PLA2G7: variants seen among roughly 807,000 people sequenced by gnomAD.
PLA2G7 encodes the protein platelet-activating factor acetylhydrolase.
PLA2G7 carries 63 observed loss-of-function variants against 49.6 expected under a neutral mutation model. The ratio of observed to expected loss-of-function variants is 1.27; its 90% CI spans 1.04 to 1.57. PLA2G7 has a LOEUF of 1.57. Among genes scored for constraint, PLA2G7 ranks in the 40% most tolerant of loss-of-function variants. The pLI is 0.00. For synonymous variants in PLA2G7, 193 were observed against 169.9 expected (o/e 1.14, Z -1.06); for missense variants, 596 against 521.2 (o/e 1.14, Z -1.40).
Position 46,722,771 on chromosome 6 carries a change from T to C in PLA2G7, c.109+12A>G, listed in dbSNP as rs766978265. 7.2e-6 allele frequency: 11 copies of C among 1,517,922 alleles called. No homozygotes were observed. Among genetic ancestry groups the C allele is most frequent in the Admixed American group, 3.3e-5 (2 of 59,844 alleles). 94.0% of individuals were successfully genotyped at this position (1,517,922 alleles called of 1,614,324 possible). On this transcript the variant is annotated intron_variant, in intron 2 of 11. Transcript: ENST00000274793. ...TCAGTTGCTCAAGACCTTGAACAAA[T>C]ACACCTCTTACCTGATGATTTCATA...
At chr6:46,712,184 A>T in intron 6 of PLA2G7, 85 bp downstream of exon 6, 2 of 901,588 alleles carry the variant, frequency 2.2e-6, no homozygotes, top group Non-Finnish European at 3.7e-6. Flanking sequence ...TTTTAAATAA[A>T]CTTTTATGAA....
Position 46,716,539 on chromosome 6 carries a change from A to G in PLA2G7, c.232-11T>C. ...ACGCAAGAAGGTGCCCTGTTAAGAA[A>G]GAAATTAATGCACTTTTAGAGAAGT... On this transcript the variant is annotated splice_polypyrimidine_tract_variant and intron_variant, in intron 3 of 11. Coordinates refer to ENST00000274793, the MANE Select transcript of PLA2G7 (RefSeq NM_005084.4). 1 of 1,613,198 alleles carries G rather than the reference A, an allele frequency of 6.2e-7. No individual in the cohort carries two copies. Among genetic ancestry groups the G allele is most frequent in the Non-Finnish European group, 8.5e-7 (1 of 1,179,310 alleles).
rs1480083345 is a variant in PLA2G7 at position 46,704,711 on chromosome 6, G to A, written c.1190-15C>T. On this transcript the variant is annotated splice_polypyrimidine_tract_variant and intron_variant, in intron 11 of 11. Coordinates refer to ENST00000274793, the MANE Select transcript of PLA2G7 (RefSeq NM_005084.4). The stretch of plus-strand genomic sequence containing the variant: ...TTTATGAAGTCCTATAAAATATAAA[G>A]TGTTAATCAACATATTAAACTTTTG... 22 of 1,494,506 alleles carry A rather than the reference G, an allele frequency of 1.5e-5. No homozygotes were observed. The highest frequency in any genetic ancestry group is 2.0e-5 in the Non-Finnish European group (22 of 1,075,908). 92.6% of individuals were successfully genotyped at this position (1,494,506 alleles called of 1,614,324 possible).
Position 46,708,123 on chromosome 6 carries a change from C to T in PLA2G7, c.908G>A (p.Gly303Asp), listed in dbSNP as rs200128572. 6.1e-5 allele frequency: 98 copies of T among 1,611,896 alleles called. No individual in the cohort carries two copies. Among genetic ancestry groups the T allele is most frequent in the Non-Finnish European group, 4.7e-5 (55 of 1,178,284 alleles). The change falls in exon 10 of 12, where the codon GGT becomes GAT. Residue 303 changes from glycine (G) to aspartate (D), a missense_variant. Gly to Asp is a moderately conservative substitution (Grantham distance 94, BLOSUM62 -1). Coordinates refer to ENST00000274793, the MANE Select transcript of PLA2G7 (RefSeq NM_005084.4). ...AGGAATTCTGGAATATACTTCATCA[C>T]CCAGTGGAAACATCCATGCATCCAG... ...IALDAWMFPLGDEVYSRIPQP... is the reference protein window; with the variant it reads ...IALDAWMFPLDDEVYSRIPQP...
In PLA2G7 at chr6:46,711,495, C is replaced by T. The variant is rs201899866; in HGVS notation, c.663+1G>A. 4.1e-4 allele frequency: 655 copies of T among 1,613,580 alleles called. 8 individuals are homozygous for T. In the South Asian group the frequency reaches 6.6e-3, roughly 16 times the overall value. On this transcript the variant is annotated splice_donor_variant, in intron 7 of 11. Transcript: ENST00000274793. LOFTEE classifies it high-confidence loss of function. ...CCACCTCTCCTTTCACTGCAATGTA[C>T]CTGCTCATTTCGTATATGTGTCTCC...
intron 9 of PLA2G7, among the ~76,000 whole-genome samples, chr6:46,709,082 CCCCT>C (rs1764923006): frequency 6.6e-6 from 1 of 151,982 alleles, no homozygotes; most frequent in Admixed American, 6.6e-5. Context: ...AAAGTGTTAA[CCCCT>C]TGGGTAAACA....
intron 1 of PLA2G7, among the ~76,000 whole-genome samples, chr6:46,733,089 C>T (rs1410252581): frequency 6.6e-6 from 1 of 152,186 alleles, no homozygotes; most frequent in Non-Finnish European, 1.5e-5. Flanking sequence ...AAAGGGGACT[C>T]CTAAACTGAC....
chr6:46,711,367 G>C (rs1264318171), intron 7 of PLA2G7, 129 bp downstream of exon 7: 1 of 1,014,330 alleles, frequency 9.9e-7, no homozygotes, highest in Non-Finnish European at 1.6e-6. Flanking sequence ...TCTATTGACA[G>C]ATCTTTTGGG....
At position 46,705,185 on chromosome 6, in the gene PLA2G7, T is replaced by A; in HGVS notation, c.1157A>T (p.Lys386Ile). The change falls in exon 11 of 12, where the codon AAA (lysine) becomes ATA (isoleucine). Residue 386 changes from lysine to isoleucine, a missense_variant. Physicochemically the swap from Lys to Ile is moderately radical, Grantham distance 102. Coordinates refer to ENST00000274793, the MANE Select transcript of PLA2G7 (RefSeq NM_005084.4). ...DSNVAIDLSN[K>I]ASLAFLQKHL... is the part of the protein sequence containing the mutation. Reference sequence around the variant, plus strand: ...CTTTTGTAAGAATGCTAATGAAGCTTTGTTGCTAAGATCAATAGCTACATT... The same window carrying A: ...CTTTTGTAAGAATGCTAATGAAGCTATGTTGCTAAGATCAATAGCTACATT... 6.2e-7 allele frequency: 1 copy of A among 1,609,108 alleles called. No individual in the cohort carries two copies. Among genetic ancestry groups the A allele is most frequent in the Non-Finnish European group, 8.5e-7 (1 of 1,175,688 alleles).
chr6:46,726,272 A>C (rs1430563525), intron 1 of PLA2G7, among the ~76,000 whole-genome samples: 1 of 152,234 alleles, frequency 6.6e-6, no homozygotes, highest in Non-Finnish European at 1.5e-5. Context: ...AAGCACTCCA[A>C]TATTATAACC....
intron 1 of PLA2G7, among the ~76,000 whole-genome samples, chr6:46,726,096 G>T (rs1765566476): frequency 6.6e-6 from 1 of 152,130 alleles, no homozygotes. Flanking sequence ...GATTCTTCTT[G>T]GTCTGTCTGT....
intron 1 of PLA2G7, among the ~76,000 whole-genome samples, chr6:46,727,237 T>C (rs45538535): frequency 6.6e-6 from 1 of 152,168 alleles, no homozygotes; most frequent in Non-Finnish European, 1.5e-5. Context: ...TTCCCCTATT[T>C]GTCACTGTTA....
chr6:46,732,811 A>C (rs1321208429), intron 1 of PLA2G7, among the ~76,000 whole-genome samples: 1 of 152,210 alleles, frequency 6.6e-6, no homozygotes, highest in Non-Finnish European at 1.5e-5. Flanking sequence ...TGGCGTCATG[A>C]AGAAAGTCAG....
In PLA2G7 at chr6:46,711,436, T is replaced by C; in HGVS notation, c.663+60A>G. The C allele has an allele frequency of 1.9e-6, 3 of 1,584,148 alleles. No homozygotes were observed. The East Asian group carries it at 6.7e-5, about 35-fold the overall frequency. ...CCAGGTGTAAAATTAAATTAACAAA[T>C]GTCATCCTTTTGTACATGCTTTTAG... On this transcript the variant is annotated intron_variant, in intron 7 of 11. Coordinates refer to ENST00000274793, the MANE Select transcript of PLA2G7 (RefSeq NM_005084.4).
At position 46,704,623 on chromosome 6, in the gene PLA2G7, G is replaced by A. The variant is rs202232077; in HGVS notation, c.1263C>T (p.Asn421=). 1.5e-4 allele frequency: 239 copies of A among 1,584,112 alleles called. 1 individual carries two copies. Among genetic ancestry groups the A allele is most frequent in the Middle Eastern group, 6.6e-4 (4 of 6,032 alleles). Residue 421 remains asparagine (N), a synonymous_variant, in exon 12 of 12, where the codon AAC becomes AAT. Coordinates refer to ENST00000274793, the MANE Select transcript of PLA2G7 (RefSeq NM_005084.4). ...TGATGTGTTGATTGGTTGTGTTAAT[G>A]TTGGTCCCTGGAATAAGATTCTCAT... is the stretch of plus-strand genomic sequence containing the variant. The part of the protein sequence containing the change: ...GDDENLIPGT[N]INTTNQHIML...
At chr6:46,727,422 G>A (rs1236878721) in intron 1 of PLA2G7, among the ~76,000 whole-genome samples, 1 of 152,156 alleles carries the variant, frequency 6.6e-6, no homozygotes, top group Non-Finnish European at 1.5e-5. Context: ...TGTGTTATTA[G>A]TAAAGAGTCA....
chr6:46,711,582 G>C lies in PLA2G7; in HGVS notation c.577C>G (p.Gln193Glu). The change falls in exon 7 of 12, where the codon CAA becomes GAA. Residue 193 changes from glutamine to glutamate, a missense_variant. By Grantham distance (29) the Gln-to-Glu change is conservative. Transcript: ENST00000274793. ...TTGTCCCCTATTTCTGCAGCAGATT[G>C]GTCCTTGAAATAGTAAGTTGCAGAT... is the stretch of plus-strand genomic sequence containing the variant. ...SASATYYFKD[Q>E]SAAEIGDKSW... The C allele has an allele frequency of 6.2e-7, 1 of 1,613,444 alleles. No individual in the cohort carries two copies.
chr6:46,714,315 A>G, intron 5 of PLA2G7, 145 bp downstream of exon 5: 2 of 734,460 alleles, frequency 2.7e-6, no homozygotes, highest in Non-Finnish European at 5.0e-6. Context: ...GGACTGATCA[A>G]TAGACCCACA....
Position 46,711,564 on chromosome 6 carries a change from C to T in PLA2G7, c.595G>A (p.Gly199Arg), listed in dbSNP as rs764317876. ...YFKDQSAAEI[G>R]DKSWLYLRTL... ...CTAAGGTAGAGCCAAGACTTGTCCC[C>T]TATTTCTGCAGCAGATTGGTCCTTG... Residue 199 changes from glycine (G) to arginine (R), a missense_variant, in exon 7 of 12, where the codon GGG becomes AGG. Physicochemically the swap from Gly to Arg is moderately radical, Grantham distance 125. Coordinates refer to ENST00000274793, the MANE Select transcript of PLA2G7 (RefSeq NM_005084.4). 7.4e-6 allele frequency: 12 copies of T among 1,613,624 alleles called. No individual in the cohort carries two copies. The highest frequency in any genetic ancestry group is 1.3e-5 in the African/African-American group (1 of 74,924).
Sources: allele counts gnomAD v4.1 joint callset (sites outside exome capture counted in the v4.1 genomes callset), GRCh38; gene constraint gnomAD v4.1.1; transcripts MANE v1.5; gene names NCBI Gene and HGNC (gene_info 2026-07-23, HGNC 2026-07-21).